FUT8: variants seen among roughly 807,000 people sequenced by gnomAD.
FUT8 encodes fucosyltransferase 8.
FUT8 carries 29 observed loss-of-function variants against 71.3 expected under a neutral mutation model. The ratio of observed to expected loss-of-function variants is 0.41; its 90% CI spans 0.30 to 0.55. The LOEUF is 0.55. Among genes scored for constraint, FUT8 ranks in the 20% least tolerant of loss-of-function variants. The pLI is 0.34. For synonymous variants in FUT8, 254 were observed against 239.3 expected (o/e 1.06, Z -0.57); for missense variants, 544 against 702.1 (o/e 0.77, Z 2.55).
intron 2 of FUT8, among the ~76,000 whole-genome samples, chr14:65,498,120 C>T (rs1157402005): frequency 6.6e-6 from 1 of 152,166 alleles, no homozygotes; most frequent in East Asian, 1.9e-4. Flanking sequence ...CCTAAGAACG[C>T]TCTTTTAGAT....
At chr14:65,580,487 C>T (rs1044899879) in intron 3 of FUT8, among the ~76,000 whole-genome samples, 1 of 151,478 alleles carries the variant, frequency 6.6e-6, no homozygotes, top group Non-Finnish European at 1.5e-5. Flanking sequence ...GTAGAAAATA[C>T]ATGTTATGTG....
intron 2 of FUT8, among the ~76,000 whole-genome samples, chr14:65,468,714 A>G (rs1409292606): frequency 2.6e-5 from 4 of 152,022 alleles, no homozygotes; most frequent in African/African-American, 4.8e-5. Context: ...GTTTCTTACT[A>G]AAGACATTCT....
At chr14:65,439,954 G>GTATATGTATATATATA (rs2065621718) in intron 1 of FUT8, among the ~76,000 whole-genome samples, 1 of 74,984 alleles carries the variant, frequency 1.3e-5, no homozygotes, top group Admixed American at 1.6e-4. Flanking sequence ...GTGTGTGTGT[G>GTATATGTATATATATA]TATATATATA....
intron 2 of FUT8, among the ~76,000 whole-genome samples, chr14:65,532,920 G>C (rs1037425220): frequency 1.3e-5 from 2 of 152,150 alleles, no homozygotes; most frequent in Admixed American, 1.3e-4. Context: ...GTTTTTGTAG[G>C]CTTTGTTGAA....
intron 2 of FUT8, among the ~76,000 whole-genome samples, chr14:65,498,096 CTA>C (rs2139754084): frequency 6.6e-6 from 1 of 152,250 alleles, no homozygotes; most frequent in Admixed American, 6.5e-5. Context: ...GTGTTTTCTA[CTA>C]TTGCTTTGCT....
In FUT8 at chr14:65,467,415, A is replaced by G. The variant is rs942656625; in HGVS notation, c.-228+11697A>G. The stretch of plus-strand genomic sequence containing the variant: ...CGGGTTCAAGCGATTCTCCTGCCTC[A>G]GCCTCCTAAGTAGCTGGGACTACAG... On this transcript the variant is annotated intron_variant, in intron 2 of 10. Coordinates refer to ENST00000673929, the MANE Select transcript of FUT8 (RefSeq NM_001371533.1). This position sits in a 1 kb window ranked among gnomAD's most constrained non-coding sequence, Gnocchi z 4.1. 3.9e-5 allele frequency among the ~76,000 whole-genome samples: 6 copies of G among 152,114 alleles called. No homozygotes were observed. Among genetic ancestry groups the G allele is most frequent in the Non-Finnish European group, 4.4e-5 (3 of 68,018 alleles).
rs187011081 is a variant in FUT8 at position 65,416,271 on chromosome 14, A to G, written c.-326+3057A>G. 1.2e-3 allele frequency among the ~76,000 whole-genome samples: 186 copies of G among 152,102 alleles called. 1 individual carries two copies. Among genetic ancestry groups the G allele is most frequent in the African/African-American group, 4.4e-3 (181 of 41,524 alleles). ...TTACTTTACTAAACATAAAATTAAG[A>G]TTTTTAAACAACTCTGAAACTAAAA... On this transcript the variant is annotated intron_variant, in intron 1 of 10. Transcript: ENST00000673929.
chr14:65,406,396 C>T (rs1436077673), upstream of FUT8, among the ~76,000 whole-genome samples: 1 of 152,244 alleles, frequency 6.6e-6, no homozygotes, highest in Non-Finnish European at 1.5e-5. Flanking sequence ...ATGGCCAATA[C>T]CATGGCACTG....
chr14:65,527,007 A>C (rs934053156), intron 2 of FUT8, among the ~76,000 whole-genome samples: 12 of 151,846 alleles, frequency 7.9e-5, no homozygotes, highest in East Asian at 1.9e-4. Flanking sequence ...TTTTTCCTTC[A>C]TTTCAACTTT....
intron 5 of FUT8, among the ~76,000 whole-genome samples, chr14:65,619,243 C>G (rs1375231268): frequency 1.3e-5 from 2 of 152,174 alleles, no homozygotes; most frequent in Non-Finnish European, 2.9e-5. Context: ...CTCCCTGTTT[C>G]TCTTTGTGAG....
At chr14:65,692,016 C>T (rs1287386524) in intron 7 of FUT8, among the ~76,000 whole-genome samples, 122 of 152,038 alleles carry the variant, frequency 8.0e-4, no homozygotes, top group African/African-American at 2.7e-3. Flanking sequence ...TACACAGACA[C>T]GGCAACCATC....
chr14:65,626,070 A>T (rs1356003128), intron 5 of FUT8, among the ~76,000 whole-genome samples: 2 of 152,142 alleles, frequency 1.3e-5, no homozygotes, highest in Non-Finnish European at 2.9e-5. Context: ...ATGGAACTCA[A>T]TATTGGATCA....
chr14:65,365,734 A>G, the FUT8 span, among the ~76,000 whole-genome samples: 4 of 152,232 alleles, frequency 2.6e-5, no homozygotes, highest in Admixed American at 2.6e-4. Flanking sequence ...TGAATAATCC[A>G]CCCATTGTTT....
chr14:65,738,355 G>A (rs2139402179), intron 10 of FUT8, among the ~76,000 whole-genome samples: 1 of 152,126 alleles, frequency 6.6e-6, no homozygotes, highest in South Asian at 2.1e-4. Context: ...AGCTTTGGAG[G>A]CTTATGTAAA....
intron 2 of FUT8, chr14:65,516,306 T>G (rs1375249847): frequency 6.6e-6 from 1 of 152,122 alleles, no homozygotes; most frequent in African/African-American, 2.4e-5. Flanking sequence ...TCCTTAACCC[T>G]GAAGAAAAGG....
rs145207145 is a variant in FUT8, at chr14:65,582,779, C to T, written c.203+21013C>T. Among the ~76,000 whole-genome samples, 457 of 152,194 alleles carry T rather than the reference C, an allele frequency of 3.0e-3. 5 individuals are homozygous for T. Among genetic ancestry groups the T allele is most frequent in the African/African-American group, 1.0e-2 (415 of 41,514 alleles). ...TTGTATCATAGTGTTTAGAATCTGG[C>T]GTCTTTAATAAAGTGAATTAAATGC... On this transcript the variant is annotated intron_variant, in intron 3 of 10. Transcript: ENST00000673929.
At chr14:65,685,007 G>T (rs956472838) in intron 7 of FUT8, among the ~76,000 whole-genome samples, 1 of 152,078 alleles carries the variant, frequency 6.6e-6, no homozygotes, top group African/African-American at 2.4e-5. Flanking sequence ...TGTATTAGGG[G>T]CCACAGGTAA....
chr14:65,596,921 TATC>T (rs1456464089), intron 3 of FUT8, among the ~76,000 whole-genome samples: 8 of 152,234 alleles, frequency 5.3e-5, no homozygotes, highest in African/African-American at 1.9e-4. Context: ...AGGAAGCTGT[TATC>T]ATATTCCTTA....
At chr14:65,604,259 G>T (rs1208801174) in intron 3 of FUT8, among the ~76,000 whole-genome samples, 1 of 151,788 alleles carries the variant, frequency 6.6e-6, no homozygotes, top group Non-Finnish European at 1.5e-5. Context: ...GAACTTAACA[G>T]ATATTTATAG....
Sources: gnomAD v4.1 joint callset for allele counts (sites outside exome capture counted in the v4.1 genomes callset) on GRCh38, gnomAD v4.1.1 for gene constraint, Gnocchi (gnomAD v3.1) non-coding constraint, MANE v1.5 for transcripts, NCBI Gene and HGNC (gene_info 2026-07-23, HGNC 2026-07-21) for gene names.